Variants in NDC1 observed in about 807,000 individuals in gnomAD.
NDC1 encodes NDC1 transmembrane nucleoporin.
A neutral mutation model predicts 89.8 loss-of-function variants in NDC1; 24 were observed. The ratio of observed to expected loss-of-function variants is 0.27; its 90% confidence interval spans 0.19 to 0.38. NDC1 has a LOEUF of 0.38. Among genes scored for constraint, NDC1 ranks in the 10% least tolerant of loss-of-function variants. The pLI is 1.00. For synonymous variants in NDC1, 296 were observed against 284.8 expected, an observed-to-expected ratio of 1.04 and a Z score of -0.39; for missense variants, 728 against 797.6, an observed-to-expected ratio of 0.91 and a Z score of 1.05.
intron 6 of NDC1, among the ~76,000 whole-genome samples, chr1:53,813,860 T>C (rs1440253315): frequency 1.1e-4 from 17 of 152,166 alleles, no homozygotes; most frequent in Non-Finnish European, 1.5e-4. Context: ...TTCTCCAAGA[T>C]AGACCATATG....
chr1:53,834,435 G>A (rs371145619), intron 2 of NDC1, among the ~76,000 whole-genome samples: 2 of 152,184 alleles, frequency 1.3e-5, no homozygotes, highest in African/African-American at 2.4e-5. Context: ...ATGGACGTAC[G>A]TCAACAAGAA....
intron 16 of NDC1, among the ~76,000 whole-genome samples, chr1:53,780,862 T>A (rs1453859959): frequency 1.5e-5 from 2 of 136,886 alleles, no homozygotes; most frequent in Non-Finnish European, 3.1e-5. Context: ...AATTTTTCTT[T>A]CTTTTTTTTT....
chr1:53,766,778 G>C lies in NDC1; in HGVS notation c.*1192C>G, dbSNP rs1207395793. 1 of 152,090 alleles carries C rather than the reference G, an allele frequency of 6.6e-6. No individual in the cohort carries two copies. Among genetic ancestry groups the C allele is most frequent in the African/African-American group, 2.4e-5 (1 of 41,394 alleles). The allele number at this position is 152,090 out of a possible 1,614,324, so 9.4% of individuals were successfully genotyped here. A position where few individuals can be genotyped will look rare whatever the true frequency, so the allele number is the denominator to read the frequency against. ...AAGAAAATATTTTGGGACACTAGAAGGAAAAGACAATAGGAAAAGAATTAC... is the reference window on the plus strand; with the variant it reads ...AAGAAAATATTTTGGGACACTAGAACGAAAAGACAATAGGAAAAGAATTAC... On this transcript the variant is annotated 3_prime_UTR_variant, in exon 18 of 18. Coordinates refer to ENST00000371429, the MANE Select transcript of NDC1 (RefSeq NM_018087.5).
intron 16 of NDC1, among the ~76,000 whole-genome samples, chr1:53,786,225 CT>C (rs1647305300): frequency 6.6e-6 from 1 of 152,142 alleles, no homozygotes; most frequent in African/African-American, 2.4e-5. Context: ...TGCACCCGGC[CT>C]CCAGATGCCA....
At position 53,838,265 on chromosome 1, in the gene NDC1, GA is replaced by G. The variant is rs758964562; in HGVS notation, c.-5del. The G allele has an allele frequency of 3.3e-6, 5 of 1,537,218 alleles. No individual in the cohort carries two copies. The South Asian group carries it at 6.0e-5, about 18-fold the overall frequency. ...GCCGGCTCACGGCCGTGGCCATGGAGATGGCGGCCCCTAGTCTAGGGCGTAC... is the reference window on the plus strand; with the variant it reads ...GCCGGCTCACGGCCGTGGCCATGGAGTGGCGGCCCCTAGTCTAGGGCGTAC... On this transcript the variant is annotated 5_prime_UTR_variant, in exon 1 of 18. Transcript: ENST00000371429.
chr1:53,813,376 T>G (rs1648374920), intron 6 of NDC1, among the ~76,000 whole-genome samples: 1 of 152,122 alleles, frequency 6.6e-6, no homozygotes, highest in African/African-American at 2.4e-5. Context: ...TCTGCTGCCT[T>G]CAGGAGACTC....
At position 53,794,012 on chromosome 1, in the gene NDC1, A is replaced by G. The variant is rs9436930; in HGVS notation, c.1585-733T>C. Among the ~76,000 whole-genome samples the G allele has an allele frequency of 8.2e-3, 1,235 of 150,816 alleles. 20 individuals carry two copies. The highest frequency in any genetic ancestry group is 0.028 in the African/African-American group (1,156 of 41,014). On this transcript the variant is annotated intron_variant, in intron 13 of 17. Transcript: ENST00000371429. ...TTTTTTTGAGACAGGGTCTCACTCT[A>G]TCACCCATGCTGGAGTGCAGTGGCA...
intron 1 of NDC1, among the ~76,000 whole-genome samples, chr1:53,836,960 A>G (rs988266657): frequency 1.4e-4 from 21 of 152,364 alleles, no homozygotes; most frequent in Admixed American, 7.8e-4. Flanking sequence ...ATTGGACATC[A>G]GCAATATTTA....
At chr1:53,791,216 G>C (rs925043551) in intron 14 of NDC1, among the ~76,000 whole-genome samples, 2 of 152,022 alleles carry the variant, frequency 1.3e-5, no homozygotes, top group East Asian at 3.9e-4. Context: ...TCAGGAGATC[G>C]AGACCATCCT....
chr1:53,799,119 C>T (rs1393909842), intron 11 of NDC1, among the ~76,000 whole-genome samples: 1 of 152,166 alleles, frequency 6.6e-6, no homozygotes, highest in Non-Finnish European at 1.5e-5. Flanking sequence ...CCAATGGCTC[C>T]ATATCTCTAT....
chr1:53,819,970 A>G (rs1648609693), intron 5 of NDC1, among the ~76,000 whole-genome samples: 1 of 151,610 alleles, frequency 6.6e-6, no homozygotes, highest in Non-Finnish European at 1.5e-5. Flanking sequence ...GAAAAGAAAA[A>G]GGGCTGGGTG....
chr1:53,791,029 TC>T (rs1647479420), intron 14 of NDC1, among the ~76,000 whole-genome samples: 1 of 152,126 alleles, frequency 6.6e-6, no homozygotes, highest in South Asian at 2.1e-4. Context: ...CTTCTCTCCA[TC>T]CTCCTCCTAC....
intron 3 of NDC1, among the ~76,000 whole-genome samples, chr1:53,831,093 C>T (rs979267596): frequency 1.3e-5 from 2 of 150,470 alleles, no homozygotes; most frequent in Non-Finnish European, 3.0e-5. Flanking sequence ...GGCATGGTGG[C>T]GGGTGCCTGT....
intron 16 of NDC1, among the ~76,000 whole-genome samples, chr1:53,777,518 T>C (rs1446964375): frequency 1.3e-5 from 2 of 152,138 alleles, no homozygotes; most frequent in Non-Finnish European, 2.9e-5. Flanking sequence ...TTAGAGTAAA[T>C]GTGTCCTTAA....
At chr1:53,836,115 G>A (rs1309141414) in intron 1 of NDC1, among the ~76,000 whole-genome samples, 1 of 152,098 alleles carries the variant, frequency 6.6e-6, no homozygotes, top group Non-Finnish European at 1.5e-5. Flanking sequence ...AGATATAGAG[G>A]GGTTTTAAGC....
At chr1:53,780,462 TC>T (rs1257614037) in intron 16 of NDC1, among the ~76,000 whole-genome samples, 2 of 152,336 alleles carry the variant, frequency 1.3e-5, no homozygotes, top group East Asian at 3.9e-4. Context: ...TCCTGTAAGC[TC>T]CCGGAGGGCA....
intron 16 of NDC1, among the ~76,000 whole-genome samples, chr1:53,777,644 G>C (rs1021849028): frequency 6.6e-6 from 1 of 152,128 alleles, no homozygotes; most frequent in Admixed American, 6.5e-5. Flanking sequence ...TAAAATCATT[G>C]ACTTTTCTCA....
At chr1:53,827,938 T>C in intron 4 of NDC1, 61 bp downstream of exon 4, 2 of 1,348,284 alleles carry the variant, frequency 1.5e-6, no homozygotes, top group East Asian at 2.5e-5. Context: ...TTAACCTATA[T>C]AGGTCACCTT....
chr1:53,767,699 C>T lies in NDC1; in HGVS notation c.*271G>A, dbSNP rs933053163. 7 of 288,160 alleles carry T rather than the reference C, an allele frequency of 2.4e-5. No homozygotes were observed. The highest frequency in any genetic ancestry group is 9.5e-4 in the Middle Eastern group (1 of 1,052). The allele number at this position is 288,160 out of a possible 1,614,324, so 17.9% of individuals were successfully genotyped here. A position where few individuals can be genotyped will look rare whatever the true frequency, so the allele number is the denominator to read the frequency against. ...TAAGTTATATGAGCTAGAGACATTTCGACTGCCATCAATGCTTCTGTAAAA... is the reference window on the plus strand; with the variant it reads ...TAAGTTATATGAGCTAGAGACATTTTGACTGCCATCAATGCTTCTGTAAAA... On this transcript the variant is annotated 3_prime_UTR_variant, in exon 18 of 18. Transcript: ENST00000371429.
Sources: gnomAD v4.1 joint callset for allele counts (sites outside exome capture counted in the v4.1 genomes callset) on GRCh38, gnomAD v4.1.1 for gene constraint, MANE v1.5 for transcripts, NCBI Gene and HGNC (gene_info 2026-07-23, HGNC 2026-07-21) for gene names.